The following B3GALT1 variants were observed in gnomAD, a reference collection of about 807,000 sequenced individuals.
B3GALT1 encodes beta-1,3-galactosyltransferase 1.
B3GALT1 carries 10 observed loss-of-function variants against 23.2 expected under a neutral mutation model. The ratio of observed to expected loss-of-function variants is 0.43; its 90% CI spans 0.27 to 0.73. The LOEUF (loss-of-function observed/expected upper bound fraction) is 0.73, where lower values mean the gene tolerates loss of function less well. Ranked by LOEUF, B3GALT1 falls within the 30% of genes least tolerant of loss-of-function variation. The pLI is 0.21. For missense variants in B3GALT1, 299 were observed against 405.4 expected (o/e 0.74, Z 2.25); for synonymous variants, 156 against 141.5 (o/e 1.10, Z -0.73).
intron 1 of B3GALT1, among the ~76,000 whole-genome samples, chr2:167,482,985 T>C (rs537811760): frequency 6.6e-6 from 1 of 152,290 alleles, no homozygotes; most frequent in African/African-American, 2.4e-5. Context: ...CTCTGTTCTT[T>C]TCTCATTAAA....
chr2:167,624,677 A>G (rs922654030), intron 2 of B3GALT1, among the ~76,000 whole-genome samples: 41 of 152,044 alleles, frequency 2.7e-4, no homozygotes, highest in African/African-American at 9.9e-4. Flanking sequence ...CTTTTCAAGT[A>G]CTGATTTAAA....
chr2:167,386,259 A>G (rs1456977775), intron 1 of B3GALT1, among the ~76,000 whole-genome samples: 1 of 151,962 alleles, frequency 6.6e-6, no homozygotes, highest in African/African-American at 2.4e-5. Context: ...CCTTTTTTTT[A>G]AGATTGCACT....
intron 2 of B3GALT1, among the ~76,000 whole-genome samples, chr2:167,587,031 T>C (rs552339126): frequency 1.3e-5 from 2 of 152,304 alleles, no homozygotes; most frequent in African/African-American, 2.4e-5. Context: ...TCCCATCAAA[T>C]TGAATTCTAT....
intron 3 of B3GALT1, among the ~76,000 whole-genome samples, chr2:167,689,671 G>C (rs2105500121): frequency 6.6e-6 from 1 of 152,240 alleles, no homozygotes; most frequent in East Asian, 1.9e-4. Flanking sequence ...CCTGGCTGCT[G>C]TCGGGAAACC....
chr2:167,734,714 A>C (rs188032185), intron 3 of B3GALT1, among the ~76,000 whole-genome samples: 1 of 152,208 alleles, frequency 6.6e-6, no homozygotes, highest in Non-Finnish European at 1.5e-5. Flanking sequence ...CTGATTCCCC[A>C]AGTATCGTTC....
intron 1 of B3GALT1, among the ~76,000 whole-genome samples, chr2:167,461,073 G>T (rs1000229032): frequency 4.6e-5 from 7 of 152,136 alleles, no homozygotes; most frequent in Non-Finnish European, 8.8e-5. Flanking sequence ...ATGGGAGGGG[G>T]ATACAGCAAT....
intron 3 of B3GALT1, among the ~76,000 whole-genome samples, chr2:167,812,982 C>CCAA (rs1688920580): frequency 9.1e-6 from 1 of 109,618 alleles, no homozygotes; most frequent in African/African-American, 5.3e-5. Context: ...CACACACGCA[C>CCAA]CACCACCACC....
chr2:167,491,087 A>G (rs1158390151), intron 2 of B3GALT1, among the ~76,000 whole-genome samples: 1 of 151,942 alleles, frequency 6.6e-6, no homozygotes, highest in African/African-American at 2.4e-5. Flanking sequence ...GGTAATGAGA[A>G]CTCCCCATAA....
At chr2:167,689,223 A>T (rs894681606) in intron 3 of B3GALT1, among the ~76,000 whole-genome samples, 1 of 152,032 alleles carries the variant, frequency 6.6e-6, no homozygotes, top group African/African-American at 2.4e-5. Context: ...ATGACAGTGG[A>T]TCTCTCATCA....
At chr2:167,445,930 T>C (rs900590315) in intron 1 of B3GALT1, among the ~76,000 whole-genome samples, 1 of 152,166 alleles carries the variant, frequency 6.6e-6, no homozygotes, top group Admixed American at 6.5e-5. Context: ...TTATTTTGCT[T>C]GTTAGTTGAT....
At chr2:167,505,356 A>C (rs1186390603) in intron 2 of B3GALT1, among the ~76,000 whole-genome samples, 1 of 152,204 alleles carries the variant, frequency 6.6e-6, no homozygotes, top group Non-Finnish European at 1.5e-5. Context: ...AGTATTTTTA[A>C]GTGTGATAGA....
intron 3 of B3GALT1, among the ~76,000 whole-genome samples, chr2:167,793,400 G>C (rs1688479928): frequency 6.6e-6 from 1 of 152,158 alleles, no homozygotes; most frequent in East Asian, 1.9e-4. Context: ...CACTGTGACT[G>C]CTGGGGCTGG....
chr2:167,442,384 G>A (rs1174059416), intron 1 of B3GALT1, among the ~76,000 whole-genome samples: 1 of 152,112 alleles, frequency 6.6e-6, no homozygotes, highest in African/African-American at 2.4e-5. Flanking sequence ...AGTCCTTTGG[G>A]TATATAGCCA....
chr2:167,390,396 C>A (rs1698001277), intron 1 of B3GALT1, among the ~76,000 whole-genome samples: 1 of 152,144 alleles, frequency 6.6e-6, no homozygotes, highest in Non-Finnish European at 1.5e-5. Context: ...CTCCCCATTG[C>A]CAATGGAAAT....
intron 1 of B3GALT1, among the ~76,000 whole-genome samples, chr2:167,443,776 A>G (rs1365682085): frequency 2.0e-5 from 3 of 152,168 alleles, no homozygotes; most frequent in African/African-American, 7.2e-5. Flanking sequence ...GGCTGAGACG[A>G]TGGGGTTTTC....
intron 2 of B3GALT1, among the ~76,000 whole-genome samples, chr2:167,539,174 T>C (rs1330152252): frequency 6.6e-6 from 1 of 152,150 alleles, no homozygotes; most frequent in Non-Finnish European, 1.5e-5. Context: ...AATTATGTTA[T>C]GCTCTACTTT....
intron 3 of B3GALT1, among the ~76,000 whole-genome samples, chr2:167,812,066 T>C (rs1468609529): frequency 6.6e-6 from 1 of 152,182 alleles, no homozygotes; most frequent in Non-Finnish European, 1.5e-5. Flanking sequence ...TAGAACAAAA[T>C]GCCTATAGAA....
chr2:167,331,776 G>C (rs1455028845), intron 1 of B3GALT1, among the ~76,000 whole-genome samples: 1 of 152,168 alleles, frequency 6.6e-6, no homozygotes, highest in Non-Finnish European at 1.5e-5. Context: ...GCCACTGGTA[G>C]GGTGCTCAGT....
intron 1 of B3GALT1, among the ~76,000 whole-genome samples, chr2:167,302,619 A>C (rs1372270422): frequency 6.6e-6 from 1 of 152,164 alleles, no homozygotes; most frequent in African/African-American, 2.4e-5. Flanking sequence ...AATTAAAATA[A>C]ATTTTTTTAT....
Sources: allele counts gnomAD v4.1 joint callset (sites outside exome capture counted in the v4.1 genomes callset), GRCh38; gene constraint gnomAD v4.1.1; transcripts MANE v1.5; gene names NCBI Gene and HGNC (gene_info 2026-07-23, HGNC 2026-07-21).